FRMPD2: variants seen among roughly 807,000 people sequenced by gnomAD.
The protein encoded by FRMPD2 is FERM and PDZ domain-containing protein 2.
A neutral mutation model predicts 140.1 loss-of-function variants in FRMPD2; 96 were observed. The ratio of observed to expected loss-of-function variants is 0.69; its 90% CI spans 0.58 to 0.81. The LOEUF (loss-of-function observed/expected upper bound fraction) is 0.81, where lower values mean the gene tolerates loss of function less well. Among genes scored for constraint, FRMPD2 ranks in the 40% least tolerant of loss-of-function variants. The pLI, the probability that FRMPD2 is intolerant of heterozygous loss-of-function variation, is 0.00. For synonymous variants in FRMPD2, 449 were observed against 547.6 expected, an observed-to-expected ratio of 0.82 and a Z score of 2.52; for missense variants, 1,240 against 1,447.4, an observed-to-expected ratio of 0.86 and a Z score of 2.32.
At chr10:48,191,957 C>T (rs1838839038) in intron 16 of FRMPD2, among the ~76,000 whole-genome samples, 1 of 152,160 alleles carries the variant, frequency 6.6e-6, no homozygotes, top group Non-Finnish European at 1.5e-5. Flanking sequence ...CCTGGGTTTC[C>T]TCTCTGTGAT....
At chr10:48,208,693 T>C (rs1192193440) in intron 13 of FRMPD2, among the ~76,000 whole-genome samples, 1 of 152,216 alleles carries the variant, frequency 6.6e-6, no homozygotes, top group Non-Finnish European at 1.5e-5. Context: ...CTCCATTTGC[T>C]GTCTGCTAGG....
intron 1 of FRMPD2, among the ~76,000 whole-genome samples, chr10:48,270,807 T>A (rs1474677383): frequency 6.6e-6 from 1 of 151,804 alleles, no homozygotes; most frequent in Non-Finnish European, 1.5e-5. Flanking sequence ...CTCCTTCCCA[T>A]CCCTCAACTT....
At chr10:48,272,308 A>G (rs764872271) in intron 1 of FRMPD2, among the ~76,000 whole-genome samples, 2 of 152,168 alleles carry the variant, frequency 1.3e-5, no homozygotes, top group Admixed American at 6.5e-5. Flanking sequence ...GAAGGCTCCT[A>G]CTGGCCTGTG....
chr10:48,261,094 A>G (rs1184964250), intron 1 of FRMPD2, among the ~76,000 whole-genome samples: 1 of 152,206 alleles, frequency 6.6e-6, no homozygotes, highest in Non-Finnish European at 1.5e-5. Context: ...AAACTTCCCA[A>G]ATGGAAATGT....
chr10:48,270,585 A>T (rs1394432659), intron 1 of FRMPD2, among the ~76,000 whole-genome samples: 1 of 152,042 alleles, frequency 6.6e-6, no homozygotes, highest in Non-Finnish European at 1.5e-5. Flanking sequence ...CCATCAGTCC[A>T]TCCCCTCCAC....
At chr10:48,182,043 A>G (rs1838566107) in intron 20 of FRMPD2, among the ~76,000 whole-genome samples, 1 of 152,006 alleles carries the variant, frequency 6.6e-6, no homozygotes, top group South Asian at 2.1e-4. Flanking sequence ...CCTGGATACA[A>G]GTAGATTTAC....
chr10:48,267,009 G>C (rs1014173560), intron 1 of FRMPD2, among the ~76,000 whole-genome samples: 2 of 150,836 alleles, frequency 1.3e-5, no homozygotes, highest in African/African-American at 2.5e-5. Context: ...GAGAGACTGA[G>C]TGGGGGGTCT....
Position 48,249,536 on chromosome 10 carries a change from G to A in FRMPD2, c.152-358C>T, listed in dbSNP as rs184725067. Reference sequence around the variant, plus strand: ...CTGGTCTTCTGGGAGCTCCGTAGCTGTTCATCAGAACCTCCAGGGTGGGGA... The same window carrying A: ...CTGGTCTTCTGGGAGCTCCGTAGCTATTCATCAGAACCTCCAGGGTGGGGA... On this transcript the variant is annotated intron_variant, in intron 2 of 28. Coordinates refer to ENST00000374201, the MANE Select transcript of FRMPD2 (RefSeq NM_001018071.4). Among the ~76,000 whole-genome samples the A allele has an allele frequency of 5.3e-5, 8 of 152,308 alleles. No homozygotes were observed. The East Asian group carries it at 1.5e-3, about 29-fold the overall frequency.
rs576099245 is a variant in FRMPD2, at chr10:48,260,128, A to C, written c.26-8437T>G. Among the ~76,000 whole-genome samples, 4 of 152,242 alleles carry C rather than the reference A, an allele frequency of 2.6e-5. No homozygotes were observed. In the South Asian group the frequency reaches 8.3e-4, roughly 32 times the overall value. ...GAGTAGAAAAATATGTGAAACATTT[A>C]AGGTAATAATGGCTAAGAATAGATA... On this transcript the variant is annotated intron_variant, in intron 1 of 28. Transcript: ENST00000374201.
At chr10:48,272,039 T>C (rs995252635) in intron 1 of FRMPD2, among the ~76,000 whole-genome samples, 7 of 152,230 alleles carry the variant, frequency 4.6e-5, no homozygotes, top group Admixed American at 2.0e-4. Flanking sequence ...ACTTCACTAA[T>C]GGAGCTGCAG....
intron 15 of FRMPD2, among the ~76,000 whole-genome samples, chr10:48,193,921 A>C (rs567506038): frequency 6.6e-6 from 1 of 152,166 alleles, no homozygotes; most frequent in Non-Finnish European, 1.5e-5. Context: ...TTAAAAAAAA[A>C]CTTTTTGAGA....
At chr10:48,182,392 C>A (rs926659781) in intron 20 of FRMPD2, among the ~76,000 whole-genome samples, 24 of 152,312 alleles carry the variant, frequency 1.6e-4, no homozygotes, top group South Asian at 8.3e-4. Flanking sequence ...AGCTGGGAGA[C>A]CTTTTTTGGT....
In FRMPD2 at chr10:48,159,433, TCCAG is replaced by T. The variant is rs1376843658; in HGVS notation, c.3882-2067_3882-2064del. On this transcript the variant is annotated intron_variant, in intron 28 of 28. Coordinates refer to ENST00000374201, the MANE Select transcript of FRMPD2 (RefSeq NM_001018071.4). ...ATCCTGCTAGAGGCAGCACCCAGGA[TCCAG>T]CCCAGGCTCTGCTGCCTCCCTCACT... is the stretch of plus-strand genomic sequence containing the variant. Among the ~76,000 whole-genome samples the T allele has an allele frequency of 3.3e-5, 5 of 151,212 alleles. 1 individual carries two copies. The highest frequency in any genetic ancestry group is 1.2e-4 in the African/African-American group (5 of 40,974).
chr10:48,252,963 T>G (rs1355292629), intron 1 of FRMPD2, among the ~76,000 whole-genome samples: 4 of 152,142 alleles, frequency 2.6e-5, no homozygotes, highest in Non-Finnish European at 4.4e-5. Flanking sequence ...ACTTATGGAC[T>G]AGGCATTCCT....
intron 16 of FRMPD2, among the ~76,000 whole-genome samples, chr10:48,191,002 C>T (rs746129823): frequency 1.8e-4 from 27 of 152,210 alleles, no homozygotes; most frequent in Non-Finnish European, 2.6e-4. Context: ...AGGTCTTGGA[C>T]GCTCCTACAT....
intron 4 of FRMPD2, 141 bp from the exon 5 acceptor site, chr10:48,242,493 G>T: frequency 1.5e-6 from 1 of 647,892 alleles, no homozygotes; most frequent in Non-Finnish European, 2.6e-6. Context: ...CTTCTGGAGA[G>T]TTTAAGGACA....
chr10:48,201,933 TAA>T (rs113586266), intron 14 of FRMPD2, among the ~76,000 whole-genome samples: 5 of 144,402 alleles, frequency 3.5e-5, no homozygotes, highest in South Asian at 2.2e-4. Flanking sequence ...ATTCTACAGA[TAA>T]AAAAAAAAAG....
intron 3 of FRMPD2, among the ~76,000 whole-genome samples, chr10:48,246,684 C>T (rs1840257817): frequency 6.6e-6 from 1 of 152,222 alleles, no homozygotes; most frequent in East Asian, 1.9e-4. Flanking sequence ...GGTCTGGGTA[C>T]ACCCTCCCAG....
chr10:48,268,274 T>C (rs1288234845), intron 1 of FRMPD2, among the ~76,000 whole-genome samples: 1 of 152,160 alleles, frequency 6.6e-6, no homozygotes. Flanking sequence ...TCTTCTAAGT[T>C]GATGGTGGGA....
Sources: allele counts gnomAD v4.1 joint callset (sites outside exome capture counted in the v4.1 genomes callset), GRCh38; gene constraint gnomAD v4.1.1; transcripts MANE v1.5; gene names NCBI Gene and HGNC (gene_info 2026-07-23, HGNC 2026-07-21).